Variants in TCTN2 observed in about 807,000 individuals in gnomAD.
TCTN2 encodes tectonic family member 2.
A neutral mutation model predicts 83.4 loss-of-function variants in TCTN2; 66 were observed. The observed-to-expected ratio is 0.79, with a 90% CI of 0.65 to 0.97. TCTN2 has a LOEUF of 0.97. Among genes scored for constraint, TCTN2 ranks in the 50% least tolerant of loss-of-function variants. The pLI, the probability that TCTN2 is intolerant of heterozygous loss-of-function variation, is 0.00. For missense variants in TCTN2, 794 were observed against 858.1 expected (o/e 0.93, Z 0.93); for synonymous variants, 301 against 326.7 (o/e 0.92, Z 0.85).
intron 8 of TCTN2, among the ~76,000 whole-genome samples, chr12:123,691,573 C>T (rs535206782): frequency 6.6e-6 from 1 of 152,152 alleles, no homozygotes; most frequent in Non-Finnish European, 1.5e-5. Flanking sequence ...GGGTTGTTTT[C>T]ATCTCTGACT....
chr12:123,706,154 A>G (rs1956227158), intron 15 of TCTN2, among the ~76,000 whole-genome samples: 1 of 152,150 alleles, frequency 6.6e-6, no homozygotes, highest in African/African-American at 2.4e-5. Flanking sequence ...GGCAATGGAC[A>G]GCTCTTATTG....
chr12:123,675,518 C>A (rs181677272), intron 4 of TCTN2, among the ~76,000 whole-genome samples: 1 of 152,168 alleles, frequency 6.6e-6, no homozygotes, highest in Non-Finnish European at 1.5e-5. Context: ...CCTCCTGGTG[C>A]TTCTGGAAGT....
Position 123,697,186 on chromosome 12 carries a change from G to A in TCTN2, c.1493G>A (p.Cys498Tyr), listed in dbSNP as rs189148434. The change falls in exon 13 of 18, where the codon TGT becomes TAT. Residue 498 changes from cysteine (C) to tyrosine (Y), a missense_variant. By Grantham distance (194) the Cys-to-Tyr change is radical. Transcript: ENST00000303372. ...TTAGAAGTCGGGATTAATGAAAATT[G>A]TACTCAGCTCAGGTGAGTGTTTCAT... ...CLLEVGINEN[C>Y]TQLRENAVER... The A allele has an allele frequency of 1.7e-5, 27 of 1,612,534 alleles. No individual in the cohort carries two copies. The East Asian group carries it at 4.9e-4, about 29-fold the overall frequency.
chr12:123,704,092 C>T (rs577711501), intron 14 of TCTN2, among the ~76,000 whole-genome samples: 8 of 151,256 alleles, frequency 5.3e-5, no homozygotes, highest in Admixed American at 6.6e-5. Flanking sequence ...CGGCAAGCTC[C>T]GCCTCCCAGG....
intron 14 of TCTN2, chr12:123,700,160 C>T (rs527683644): frequency 1.1e-4 from 44 of 399,338 alleles, no homozygotes; most frequent in South Asian, 4.0e-4. Context: ...CACAGGTGTG[C>T]GCCACCACAT....
At chr12:123,685,725 T>C (rs887587977) in intron 5 of TCTN2, among the ~76,000 whole-genome samples, 4 of 147,246 alleles carry the variant, frequency 2.7e-5, no homozygotes, top group Admixed American at 2.7e-4. Flanking sequence ...GGTCTTTTTT[T>C]TTTTTTTTTT....
At chr12:123,685,049 C>CAA (rs35845988) in intron 5 of TCTN2, among the ~76,000 whole-genome samples, 1 of 94,804 alleles carries the variant, frequency 1.1e-5, no homozygotes. Context: ...GACTCCATCT[C>CAA]AAAAAAAAAA....
In TCTN2 at chr12:123,706,771, G is replaced by T; in HGVS notation, c.1815G>T (p.Glu605Asp). The change falls in exon 16 of 18, where the codon GAG becomes GAT. Residue 605 changes from glutamate to aspartate, a missense_variant. By Grantham distance (45) the Glu-to-Asp change is conservative. Coordinates refer to ENST00000303372, the MANE Select transcript of TCTN2 (RefSeq NM_024809.5). ...AGTACCAGTGTGGGCTTACCTGTGA[G>T]CACAAGGCCGACCTTCTCCCTATCA... The part of the protein sequence containing the change: ...NWQYQCGLTC[E>D]HKADLLPISA... 3 of 1,614,128 alleles carry T rather than the reference G, an allele frequency of 1.9e-6. No individual in the cohort carries two copies. The highest frequency in any genetic ancestry group is 2.5e-6 in the Non-Finnish European group (3 of 1,180,030).
At chr12:123,671,343 A>T in intron 1 of TCTN2, 21 bp downstream of exon 1, 1 of 1,611,960 alleles carries the variant, frequency 6.2e-7, no homozygotes, top group Non-Finnish European at 8.5e-7. Context: ...CGCGGCAGTG[A>T]CCTCGGTGGG....
intron 4 of TCTN2, among the ~76,000 whole-genome samples, chr12:123,677,552 G>A (rs183208995): frequency 6.6e-5 from 10 of 152,280 alleles, no homozygotes; most frequent in Non-Finnish European, 5.9e-5. Context: ...CTGAAATGTC[G>A]TGTAACATAT....
In TCTN2 at chr12:123,678,380, T is replaced by C. The variant is rs114144660; in HGVS notation, c.464-809T>C. On this transcript the variant is annotated intron_variant, in intron 4 of 17. Coordinates refer to ENST00000303372, the MANE Select transcript of TCTN2 (RefSeq NM_024809.5). ...ACATTGATTGCCTGTTGCAATGATATTATTTTGGATACGTTGGGTTCAGTA... is the reference window on the plus strand; with the variant it reads ...ACATTGATTGCCTGTTGCAATGATACTATTTTGGATACGTTGGGTTCAGTA... Among the ~76,000 whole-genome samples the C allele has an allele frequency of 3.6e-3, 550 of 152,376 alleles. 3 individuals are homozygous for C. The highest frequency in any genetic ancestry group is 0.012 in the African/African-American group (508 of 41,596).
chr12:123,674,645 G>A (rs1304803450), intron 4 of TCTN2, among the ~76,000 whole-genome samples: 2 of 152,152 alleles, frequency 1.3e-5, no homozygotes, highest in South Asian at 2.1e-4. Flanking sequence ...CACACTGTAA[G>A]TGCTTTGGGA....
intron 4 of TCTN2, among the ~76,000 whole-genome samples, chr12:123,675,893 C>A (rs1244881904): frequency 2.0e-5 from 3 of 151,890 alleles, no homozygotes; most frequent in Non-Finnish European, 4.4e-5. Flanking sequence ...GCCAAAAAAA[C>A]CGTATTCAAT....
chr12:123,706,645 T>C (rs1199394155), intron 15 of TCTN2, 81 bp from the exon 16 acceptor site: 1 of 1,605,012 alleles, frequency 6.2e-7, no homozygotes, highest in African/African-American at 1.3e-5. Flanking sequence ...GGTTATATTG[T>C]GATTGCATCC....
intron 4 of TCTN2, 106 bp from the exon 5 acceptor site, chr12:123,679,083 C>T: frequency 9.9e-7 from 1 of 1,006,034 alleles, no homozygotes; most frequent in Non-Finnish European, 1.6e-6. Flanking sequence ...AGGCGTGAGC[C>T]ACCGCGCCTG....
chr12:123,688,231 T>TTTTA (rs1555292338), intron 7 of TCTN2, 54 bp downstream of exon 7: 16 of 1,486,076 alleles, frequency 1.1e-5, no homozygotes, highest in African/African-American at 1.4e-5. Flanking sequence ...TTTTTTTTTT[T>TTTTA]ATGAGACGGA....
intron 5 of TCTN2, among the ~76,000 whole-genome samples, chr12:123,685,612 T>A (rs934959327): frequency 4.0e-5 from 6 of 151,626 alleles, no homozygotes; most frequent in African/African-American, 1.5e-4. Flanking sequence ...AGAGATGGGG[T>A]TTCACCATGT....
At chr12:123,693,376 CTTTTT>C (rs373196834) in intron 9 of TCTN2, among the ~76,000 whole-genome samples, 1 of 92,952 alleles carries the variant, frequency 1.1e-5, no homozygotes, top group African/African-American at 4.4e-5. Flanking sequence ...GCTTTCTTTC[CTTTTT>C]TTTTTTTTTT....
intron 5 of TCTN2, among the ~76,000 whole-genome samples, chr12:123,685,799 C>T (rs1326725920): frequency 2.7e-5 from 4 of 148,724 alleles, no homozygotes; most frequent in Non-Finnish European, 5.9e-5. Context: ...AATCATGGCT[C>T]ACTGCAGCCT....
Sources: allele counts gnomAD v4.1 joint callset (sites outside exome capture counted in the v4.1 genomes callset), GRCh38; gene constraint gnomAD v4.1.1; transcripts MANE v1.5; gene names NCBI Gene and HGNC (gene_info 2026-07-23, HGNC 2026-07-21).